Variants in HPS3 observed in about 807,000 individuals in gnomAD.
The protein encoded by HPS3 is BLOC-2 complex member HPS3.
A neutral mutation model predicts 110.9 loss-of-function variants in HPS3; 79 were observed. The ratio of observed to expected loss-of-function variants is 0.71; its 90% confidence interval spans 0.59 to 0.86. The LOEUF (loss-of-function observed/expected upper bound fraction) is 0.86. HPS3 is among the 40% of genes least tolerant of loss of function. The pLI, the probability that HPS3 is intolerant of heterozygous loss-of-function variation, is 0.00. For missense variants in HPS3, 1,197 were observed against 1,206.2 expected (o/e 0.99, Z 0.11); for synonymous variants, 428 against 451.0 (o/e 0.95, Z 0.65).
At chr3:149,145,984 C>T (rs1375980836) in intron 5 of HPS3, among the ~76,000 whole-genome samples, 1 of 152,086 alleles carries the variant, frequency 6.6e-6, no homozygotes, top group African/African-American at 2.4e-5. Flanking sequence ...TGATTCTCTC[C>T]TTGATTGGCA....
intron 1 of HPS3, among the ~76,000 whole-genome samples, chr3:149,131,663 A>ACC (rs1046390336): frequency 2.6e-5 from 4 of 152,066 alleles, no homozygotes; most frequent in African/African-American, 9.7e-5. Flanking sequence ...CCAATTAATA[A>ACC]CCCTACAATG....
chr3:149,143,686 G>A (rs985873522), intron 4 of HPS3, among the ~76,000 whole-genome samples: 8 of 152,138 alleles, frequency 5.3e-5, no homozygotes, highest in African/African-American at 1.9e-4. Flanking sequence ...ATTATATGAG[G>A]TGTAAAATTA....
Position 149,172,417 on chromosome 3 carries a change from T to G in HPS3, c.*195T>G. 2 of 512,794 alleles carry G rather than the reference T, an allele frequency of 3.9e-6. No individual in the cohort carries two copies. Among genetic ancestry groups the G allele is most frequent in the Non-Finnish European group, 7.1e-6 (2 of 283,386 alleles). The allele number at this position is 512,794 out of a possible 1,614,324, so 31.8% of individuals were successfully genotyped here. ...CCGTGTAGTGGTAACTATTCACTTC[T>G]TAATTTATGACCTCAATCAATTTAA... On this transcript the variant is annotated 3_prime_UTR_variant, in exon 17 of 17. Transcript: ENST00000296051.
chr3:149,135,843 C>G (rs1160071467), intron 1 of HPS3, among the ~76,000 whole-genome samples: 2 of 152,080 alleles, frequency 1.3e-5, no homozygotes, highest in Non-Finnish European at 2.9e-5. Flanking sequence ...CACAAGTGTA[C>G]TAAACCAGCC....
chr3:149,155,156 G>A lies in HPS3; in HGVS notation c.1450G>A (p.Ala484Thr). The A allele has an allele frequency of 1.9e-6, 3 of 1,611,074 alleles. No homozygotes were observed. The highest frequency in any genetic ancestry group is 2.5e-6 in the Non-Finnish European group (3 of 1,177,296). The change falls in exon 8 of 17, where the codon GCT becomes ACT. Residue 484 changes from alanine (A) to threonine (T), a missense_variant. Physicochemically the swap from Ala to Thr is moderately conservative, Grantham distance 58 (BLOSUM62 0). Coordinates refer to ENST00000296051, the MANE Select transcript of HPS3 (RefSeq NM_032383.5). ...AATCAAAATACCTCCTGTAGCTGAG[G>A]CTGGGTGGAATTTGTATATTGTGAA... is the stretch of plus-strand genomic sequence containing the variant. ...VKIKIPPVAE[A>T]GWNLYIVNTI... is the part of the protein sequence containing the mutation.
At chr3:149,151,885 A>G (rs537210961) in intron 6 of HPS3, among the ~76,000 whole-genome samples, 2 of 152,350 alleles carry the variant, frequency 1.3e-5, no homozygotes, top group Admixed American at 6.5e-5. Context: ...ATAAGCCTTC[A>G]GTAATGGTGG....
At position 149,129,660 on chromosome 3, in the gene HPS3, T is replaced by G; in HGVS notation, c.-64T>G. ...CGCGGAAGTAGTCCTACATTCGCGG[T>G]CAGCGCGGGGTCTCCGGGCGCCCTG... On this transcript the variant is annotated 5_prime_UTR_variant, in exon 1 of 17. Transcript: ENST00000296051. The G allele has an allele frequency of 7.7e-7, 1 of 1,295,712 alleles. No homozygotes were observed. The highest frequency in any genetic ancestry group is 1.0e-6 in the Non-Finnish European group (1 of 973,010). 80.3% of individuals were successfully genotyped at this position (1,295,712 alleles called of 1,614,324 possible).
intron 4 of HPS3, among the ~76,000 whole-genome samples, chr3:149,143,355 T>C (rs1722600027): frequency 6.6e-6 from 1 of 152,328 alleles, no homozygotes; most frequent in Non-Finnish European, 1.5e-5. Context: ...CTGGTGCATT[T>C]AAGTCATTCA....
Position 149,160,113 on chromosome 3 carries a change from G to A in HPS3, c.1940G>A (p.Cys647Tyr). Residue 647 changes from cysteine (C) to tyrosine (Y), a missense_variant, in exon 11 of 17, where the codon TGT becomes TAT. By Grantham distance (194) the Cys-to-Tyr change is radical (BLOSUM62 -2). Transcript: ENST00000296051. ...CCAAAGCAAGTGCCCCATATTCTCT[G>A]TAGTCCTTCTATGAAGAATATTAAT... Reference protein sequence around the residue: ...AEPKQVPHILCSPSMKNINPL... With the variant: ...AEPKQVPHILYSPSMKNINPL... The A allele has an allele frequency of 6.2e-7, 1 of 1,613,938 alleles. No homozygotes were observed. The highest frequency in any genetic ancestry group is 8.5e-7 in the Non-Finnish European group (1 of 1,179,856).
chr3:149,131,760 T>G (rs951026369), intron 1 of HPS3, among the ~76,000 whole-genome samples: 3 of 152,226 alleles, frequency 2.0e-5, no homozygotes, highest in Non-Finnish European at 2.9e-5. Flanking sequence ...AAGGCAGGCG[T>G]GTCAGAAGCT....
At chr3:149,131,505 TGTA>T (rs1467381129) in intron 1 of HPS3, among the ~76,000 whole-genome samples, 1 of 152,304 alleles carries the variant, frequency 6.6e-6, no homozygotes, top group South Asian at 2.1e-4. Context: ...ATGTTACTAT[TGTA>T]GTAGTTTTGG....
Position 149,141,180 on chromosome 3 carries a change from G to C in HPS3, c.876G>C (p.Leu292=), listed in dbSNP as rs1722421044. The change falls in exon 3 of 17, where the codon CTG becomes CTC. Residue 292 remains leucine, a synonymous_variant. Coordinates refer to ENST00000296051, the MANE Select transcript of HPS3 (RefSeq NM_032383.5). ...GAAAATATTCCCACTTTCAGCACCT[G>C]CTCTATAGGTATTATAGTGCTTTTT... ...EKRKYSHFQH[L]LYRRFAPDIS... 1 of 1,602,126 alleles carries C rather than the reference G, an allele frequency of 6.2e-7. No individual in the cohort carries two copies. The highest frequency in any genetic ancestry group is 1.7e-5 in the Admixed American group (1 of 59,182).
At chr3:149,151,616 A>AT (rs1723126439) in intron 6 of HPS3, among the ~76,000 whole-genome samples, 1 of 103,712 alleles carries the variant, frequency 9.6e-6, no homozygotes, top group Non-Finnish European at 2.0e-5. Context: ...AAAAAAAAAA[A>AT]GCCTCTTGAC....
chr3:149,138,481 C>G (rs531329273), intron 1 of HPS3, among the ~76,000 whole-genome samples: 1 of 152,178 alleles, frequency 6.6e-6, no homozygotes, highest in Non-Finnish European at 1.5e-5. Flanking sequence ...TAAACCTCCA[C>G]TAAAATAGAA....
chr3:149,141,074 C>T lies in HPS3; in HGVS notation c.770C>T (p.Pro257Leu), dbSNP rs1378684648. The T allele has an allele frequency of 3.7e-6, 6 of 1,613,560 alleles. No homozygotes were observed. Among genetic ancestry groups the T allele is most frequent in the Non-Finnish European group, 5.1e-6 (6 of 1,179,868 alleles). ...ESDDFVICQKPLELLGEKSEQ... is the reference protein window; with the variant it reads ...ESDDFVICQKLLELLGEKSEQ... The stretch of plus-strand genomic sequence containing the variant: ...GATGATTTTGTCATCTGCCAGAAGC[C>T]CCTGGAACTTCTTGGTGAAAAAAGT... The change falls in exon 3 of 17, where the codon CCC (proline) becomes CTC (leucine). Residue 257 changes from proline to leucine, a missense_variant. Pro to Leu is a moderately conservative substitution (Grantham distance 98, BLOSUM62 -3). Transcript: ENST00000296051.
rs115560828 is a variant in HPS3 at position 149,133,013 on chromosome 3, G to A, written c.217+3073G>A. ...ATCTTATGATCAAACTTGAATGGGT[G>A]AGGAGTTGCTTCTCATGGATGAACA... On this transcript the variant is annotated intron_variant, in intron 1 of 16. Coordinates refer to ENST00000296051, the MANE Select transcript of HPS3 (RefSeq NM_032383.5). Among the ~76,000 whole-genome samples the A allele has an allele frequency of 9.8e-3, 1,493 of 152,330 alleles. 11 individuals are homozygous for A. The highest frequency in any genetic ancestry group is 0.035 in the African/African-American group (1,441 of 41,574).
chr3:149,167,283 A>G, intron 15 of HPS3, 43 bp downstream of exon 15: 5 of 1,466,662 alleles, frequency 3.4e-6, no homozygotes, highest in Non-Finnish European at 4.7e-6. Flanking sequence ...ATCAGTGATA[A>G]TCAGATCTGA....
At chr3:149,165,988 T>G (rs1424305163) in intron 14 of HPS3, 1 of 456,240 alleles carries the variant, frequency 2.2e-6, no homozygotes, top group Non-Finnish European at 4.4e-6. Context: ...TGGAATAAAA[T>G]AATCACACTG....
At chr3:149,139,847 C>A (rs932228554) in intron 1 of HPS3, among the ~76,000 whole-genome samples, 157 bp from the exon 2 acceptor site, 33 of 152,172 alleles carry the variant, frequency 2.2e-4, no homozygotes, top group Admixed American at 6.5e-4. Context: ...TAATGTCAGT[C>A]AAAAATACAC....
Sources: gnomAD v4.1 joint callset for allele counts (sites outside exome capture counted in the v4.1 genomes callset) on GRCh38, gnomAD v4.1.1 for gene constraint, MANE v1.5 for transcripts, NCBI Gene and HGNC (gene_info 2026-07-23, HGNC 2026-07-21) for gene names.